Variants in ARK2C observed in about 807,000 individuals in gnomAD.
ARK2C encodes the protein E3 ubiquitin-protein ligase ARK2C.
At chr18:46,425,050 G>T in the ARK2C span, among the ~76,000 whole-genome samples, 1 of 152,214 alleles carries the variant, frequency 6.6e-6, no homozygotes, top group African/African-American at 2.4e-5. Context: ...TTTGGAGAGG[G>T]AGTCTCGGGC....
the ARK2C span, chr18:46,335,904 C>G: frequency 5.1e-6 from 5 of 985,182 alleles, no homozygotes; most frequent in Non-Finnish European, 6.0e-6. Context: ...GAATGGTCAA[C>G]TCGCTGCTGT....
At chr18:46,337,473 T>C in the ARK2C span, 1 of 985,336 alleles carries the variant, frequency 1.0e-6, no homozygotes, top group Non-Finnish European at 1.2e-6. Flanking sequence ...TGAAACGTAC[T>C]GTGGTCGTGT....
chr18:46,462,966 C>T, the ARK2C span: 3 of 152,236 alleles, frequency 2.0e-5, no homozygotes, highest in African/African-American at 7.2e-5. Context: ...CATTTTGCTA[C>T]ATAGACTATT....
the ARK2C span, chr18:46,336,273 A>C: frequency 1.0e-6 from 1 of 985,272 alleles, no homozygotes; most frequent in Non-Finnish European, 1.2e-6. Context: ...CATTAATACC[A>C]CCAATCTCTA....
the ARK2C span, among the ~76,000 whole-genome samples, chr18:46,384,327 A>T: frequency 6.6e-6 from 1 of 152,212 alleles, no homozygotes; most frequent in African/African-American, 2.4e-5. Context: ...TCCCGAGGAC[A>T]TGCAGGCTGG....
chr18:46,439,257 T>G, the ARK2C span, among the ~76,000 whole-genome samples: 1 of 152,172 alleles, frequency 6.6e-6, no homozygotes, highest in Non-Finnish European at 1.5e-5. Flanking sequence ...CTCAGAAAGA[T>G]CTCAGATGAC....
chr18:46,354,616 G>T, the ARK2C span, among the ~76,000 whole-genome samples: 1 of 152,288 alleles, frequency 6.6e-6, no homozygotes, highest in East Asian at 1.9e-4. Flanking sequence ...TACCTTCCCT[G>T]CCAGCCACAG....
At chr18:46,449,511 T>C in the ARK2C span, among the ~76,000 whole-genome samples, 17 of 152,276 alleles carry the variant, frequency 1.1e-4, no homozygotes, top group Non-Finnish European at 1.5e-4. Context: ...GTAGGAGTGA[T>C]ATGGTTTGGC....
At chr18:46,382,499 A>T in the ARK2C span, among the ~76,000 whole-genome samples, 1 of 152,208 alleles carries the variant, frequency 6.6e-6, no homozygotes, top group African/African-American at 2.4e-5. Flanking sequence ...TTTAAAAATC[A>T]ATACATTCAT....
chr18:46,405,917 C>T, the ARK2C span, among the ~76,000 whole-genome samples: 4 of 152,202 alleles, frequency 2.6e-5, no homozygotes, highest in South Asian at 8.3e-4. Context: ...CCTTCCTCCT[C>T]CCGGAGTGGG....
the ARK2C span, among the ~76,000 whole-genome samples, chr18:46,368,447 C>T: frequency 2.0e-5 from 3 of 152,168 alleles, no homozygotes; most frequent in Non-Finnish European, 4.4e-5. Context: ...GATAGAAGAG[C>T]TGGCAGAAGC....
chr18:46,392,069 A>G, the ARK2C span, among the ~76,000 whole-genome samples: 4 of 151,690 alleles, frequency 2.6e-5, no homozygotes, highest in African/African-American at 4.8e-5. Flanking sequence ...CACACACAAT[A>G]TATACAACAC....
At chr18:46,334,514 G>C in the ARK2C span, 4 of 505,348 alleles carry the variant, frequency 7.9e-6, no homozygotes, top group African/African-American at 2.0e-5. This position sits in a 1 kb window ranked among gnomAD's most constrained non-coding sequence, Gnocchi z 4.4. Context: ...GGCCGCCCTC[G>C]TGGGAGCTTT....
the ARK2C span, among the ~76,000 whole-genome samples, chr18:46,397,572 G>T: frequency 3.3e-5 from 4 of 119,464 alleles, no homozygotes; most frequent in Non-Finnish European, 7.1e-5. Context: ...GTGTGTGTGT[G>T]TGTGGTCATG....
the ARK2C span, among the ~76,000 whole-genome samples, chr18:46,431,117 C>T: frequency 1.3e-5 from 2 of 152,276 alleles, no homozygotes; most frequent in African/African-American, 4.8e-5. Flanking sequence ...TTGTTCAACT[C>T]CCACTTATGA....
At chr18:46,417,032 C>T in the ARK2C span, among the ~76,000 whole-genome samples, 2 of 152,208 alleles carry the variant, frequency 1.3e-5, no homozygotes, top group African/African-American at 4.8e-5. Flanking sequence ...TCAGCCACAC[C>T]AATCTTCTAG....
the ARK2C span, among the ~76,000 whole-genome samples, chr18:46,422,450 G>C: frequency 6.6e-6 from 1 of 152,230 alleles, no homozygotes; most frequent in African/African-American, 2.4e-5. Flanking sequence ...GGGGAGAGGA[G>C]GCTCCCTGGG....
chr18:46,422,113 G>A, the ARK2C span, among the ~76,000 whole-genome samples: 2 of 152,202 alleles, frequency 1.3e-5, no homozygotes, highest in Non-Finnish European at 2.9e-5. Flanking sequence ...AAGGAACCCG[G>A]AAAGAATGGC....
the ARK2C span, among the ~76,000 whole-genome samples, chr18:46,420,553 T>C: frequency 6.6e-6 from 1 of 152,162 alleles, no homozygotes; most frequent in South Asian, 2.1e-4. Flanking sequence ...TTGAAAGTTA[T>C]TGGGGTTTGG....
Sources: gnomAD v4.1 joint callset for allele counts (sites outside exome capture counted in the v4.1 genomes callset) on GRCh38, gnomAD v4.1.1 for gene constraint, Gnocchi (gnomAD v3.1) non-coding constraint, MANE v1.5 for transcripts, NCBI Gene and HGNC (gene_info 2026-07-23, HGNC 2026-07-21) for gene names.